Variants in TRAPPC9 observed in about 807,000 individuals in gnomAD.
The protein encoded by TRAPPC9 is IKK2 binding protein.
In TRAPPC9, 83 loss-of-function variants were observed where a neutral mutation model predicts 124.0. The ratio of observed to expected loss-of-function variants is 0.67; its 90% CI spans 0.56 to 0.80. TRAPPC9 has a LOEUF of 0.80. Ranked by LOEUF, TRAPPC9 falls within the 30% of genes least tolerant of loss-of-function variation. The probability of loss-of-function intolerance (pLI) is 0.00; values close to 1 mark genes in which losing one functional copy is unlikely to be tolerated. For synonymous variants in TRAPPC9, 638 were observed against 617.5 expected, an observed-to-expected ratio of 1.03 and a Z score of -0.49; for missense variants, 1,302 against 1,508.3, an observed-to-expected ratio of 0.86 and a Z score of 2.27.
At position 139,825,889 on chromosome 8, in the gene TRAPPC9, A is replaced by G. The variant is rs1825590987; in HGVS notation, c.3055+59990T>C. 2.0e-5 allele frequency among the ~76,000 whole-genome samples: 3 copies of G among 152,286 alleles called. No individual in the cohort carries two copies. In the Middle Eastern group the frequency reaches 0.01, roughly 518 times the overall value. On this transcript the variant is annotated intron_variant, in intron 21 of 22. Coordinates refer to ENST00000438773, the MANE Select transcript of TRAPPC9 (RefSeq NM_001160372.4). This position sits in a 1 kb window ranked among gnomAD's most constrained non-coding sequence, Gnocchi z 4.6. The stretch of plus-strand genomic sequence containing the variant: ...TCCTGAATCAGAATATTTCCTGTGC[A>G]AAGCGCCATGCCAGGCTCTGGTGGG...
intron 9 of TRAPPC9, among the ~76,000 whole-genome samples, chr8:140,344,745 G>C (rs1186956899): frequency 6.6e-6 from 1 of 152,286 alleles, no homozygotes; most frequent in African/African-American, 2.4e-5. Flanking sequence ...ATGTGCAGAA[G>C]ACTGGAGAGA....
At chr8:140,391,318 T>C (rs567901573) in intron 7 of TRAPPC9, among the ~76,000 whole-genome samples, 1 of 152,336 alleles carries the variant, frequency 6.6e-6, no homozygotes, top group Admixed American at 6.5e-5. Flanking sequence ...TCCTAGAGTA[T>C]GTTCTCTAAT....
chr8:139,757,053 G>A (rs1172428733), intron 21 of TRAPPC9, among the ~76,000 whole-genome samples: 1 of 135,204 alleles, frequency 7.4e-6, no homozygotes, highest in African/African-American at 2.8e-5. Context: ...GAGGAGCCAG[G>A]GTTTGGGGAT....
intron 18 of TRAPPC9, among the ~76,000 whole-genome samples, chr8:139,993,171 A>G (rs1837751007): frequency 6.6e-6 from 1 of 152,232 alleles, no homozygotes; most frequent in South Asian, 2.1e-4. Flanking sequence ...AACATATTAA[A>G]TTGACTAAGG....
At chr8:140,230,832 G>C (rs2063574612) in intron 16 of TRAPPC9, among the ~76,000 whole-genome samples, 1 of 152,186 alleles carries the variant, frequency 6.6e-6, no homozygotes, top group Non-Finnish European at 1.5e-5. Flanking sequence ...CTCAGCCACA[G>C]GTAAGGAAGG....
intron 21 of TRAPPC9, among the ~76,000 whole-genome samples, chr8:139,856,604 G>A (rs557516030): frequency 7.9e-5 from 12 of 152,216 alleles, no homozygotes; most frequent in South Asian, 2.1e-4. Flanking sequence ...GGGGGGTGGC[G>A]TGCAAAATGG....
intron 15 of TRAPPC9, chr8:140,262,621 A>T (rs1006549960): frequency 6.6e-6 from 1 of 152,154 alleles, no homozygotes; most frequent in African/African-American, 2.4e-5. Context: ...GTTAGTCAAC[A>T]TGCAGTAGAA....
At chr8:140,224,950 C>T (rs1414924709) in intron 16 of TRAPPC9, among the ~76,000 whole-genome samples, 1 of 152,182 alleles carries the variant, frequency 6.6e-6, no homozygotes. Context: ...TCCCCTTCTA[C>T]CTGGCTGAAT....
At chr8:139,977,240 T>A (rs1438758537) in intron 19 of TRAPPC9, among the ~76,000 whole-genome samples, 1 of 151,730 alleles carries the variant, frequency 6.6e-6, no homozygotes, top group African/African-American at 2.4e-5. Context: ...GAGAACACCA[T>A]CAAATGAAAC....
At chr8:140,162,709 G>A (rs1340413119) in intron 17 of TRAPPC9, among the ~76,000 whole-genome samples, 1 of 152,170 alleles carries the variant, frequency 6.6e-6, no homozygotes, top group Non-Finnish European at 1.5e-5. Context: ...GGTTACAGGG[G>A]CCGGCACAGT....
intron 21 of TRAPPC9, among the ~76,000 whole-genome samples, chr8:139,791,948 G>T (rs992712748): frequency 2.6e-5 from 4 of 152,180 alleles, no homozygotes; most frequent in African/African-American, 9.7e-5. Flanking sequence ...CACCATCACT[G>T]CGTGGTCAGG....
At chr8:139,876,186 C>G (rs1240626041) in intron 21 of TRAPPC9, among the ~76,000 whole-genome samples, 1 of 152,228 alleles carries the variant, frequency 6.6e-6, no homozygotes, top group Admixed American at 6.5e-5. Context: ...ACATGTCTCT[C>G]TGCAAAGCCC....
intron 19 of TRAPPC9, among the ~76,000 whole-genome samples, chr8:139,973,955 A>G (rs1587383139): frequency 6.6e-6 from 1 of 152,296 alleles, no homozygotes; most frequent in East Asian, 1.9e-4. Context: ...ATAAGGACGA[A>G]TGGCAGGTGA....
chr8:140,098,318 T>C (rs1010622486), intron 17 of TRAPPC9: 1 of 150,996 alleles, frequency 6.6e-6, no homozygotes, highest in Non-Finnish European at 1.5e-5. Context: ...GACACCCAGC[T>C]AGGTCTCCGT....
intron 5 of TRAPPC9, among the ~76,000 whole-genome samples, chr8:140,418,355 G>A (rs905977362): frequency 1.2e-4 from 18 of 152,172 alleles, no homozygotes; most frequent in African/African-American, 3.9e-4. Context: ...CATTATATGA[G>A]GCTAATGTTG....
intron 17 of TRAPPC9, among the ~76,000 whole-genome samples, chr8:140,211,550 C>A (rs1412992301): frequency 2.0e-5 from 3 of 152,156 alleles, no homozygotes; most frequent in Admixed American, 6.5e-5. Context: ...CAGAGCACAA[C>A]CCTGTCTCTT....
chr8:139,811,186 A>C (rs1463124224), intron 21 of TRAPPC9, among the ~76,000 whole-genome samples: 1 of 152,240 alleles, frequency 6.6e-6, no homozygotes, highest in Admixed American at 6.5e-5. Flanking sequence ...AGAACAAGGA[A>C]GAGCTCTTGG....
rs571129282 is a variant in TRAPPC9 at position 139,730,809 on chromosome 8, C to A, written c.*252G>T. 3.2e-5 allele frequency: 17 copies of A among 536,394 alleles called. No individual in the cohort carries two copies. The highest frequency in any genetic ancestry group is 1.6e-4 in the East Asian group (5 of 31,966). The allele number at this position is 536,394 out of a possible 1,614,324, so 33.2% of individuals were successfully genotyped here. A position where few individuals can be genotyped will look rare whatever the true frequency, so the allele number is the denominator to read the frequency against. ...ATGGGCACCCGCTTTGGGATTTCCTCTGCTTCAGCCTGTGTATGGTCCAGG... is the reference window on the plus strand; with the variant it reads ...ATGGGCACCCGCTTTGGGATTTCCTATGCTTCAGCCTGTGTATGGTCCAGG... On this transcript the variant is annotated 3_prime_UTR_variant, in exon 23 of 23. Coordinates refer to ENST00000438773, the MANE Select transcript of TRAPPC9 (RefSeq NM_001160372.4).
chr8:140,379,615 GC>G (rs934916364), intron 7 of TRAPPC9, among the ~76,000 whole-genome samples: 1 of 152,094 alleles, frequency 6.6e-6, no homozygotes, highest in Non-Finnish European at 1.5e-5. Flanking sequence ...TATATTGTTT[GC>G]CTTATAAAAG....
Sources: allele counts gnomAD v4.1 joint callset (sites outside exome capture counted in the v4.1 genomes callset), GRCh38; gene constraint gnomAD v4.1.1; non-coding constraint Gnocchi (gnomAD v3.1); transcripts MANE v1.5; gene names NCBI Gene and HGNC (gene_info 2026-07-23, HGNC 2026-07-21).